CTIF: variants seen among roughly 807,000 people sequenced by gnomAD.
CTIF encodes the protein CBP80/20-dependent translation initiation factor.
Under a neutral mutation model 66.0 loss-of-function variants are expected in CTIF, and 21 were observed. The observed-to-expected ratio is 0.32, with a 90% CI of 0.23 to 0.46. The LOEUF is 0.46. Ranked by LOEUF, CTIF falls within the 20% of genes least tolerant of loss-of-function variation. The pLI is 1.00. For synonymous variants in CTIF, 345 were observed against 326.4 expected (o/e 1.06, Z -0.62); for missense variants, 739 against 812.7 (o/e 0.91, Z 1.10).
chr18:48,619,485 C>T (rs757136099), intron 1 of CTIF, 53 bp from the exon 2 acceptor site: 78 of 1,193,558 alleles, frequency 6.5e-5, no homozygotes, highest in African/African-American at 2.8e-4. Context: ...GTGTGGGCAT[C>T]GTCGTCTCCT....
intron 10 of CTIF, among the ~76,000 whole-genome samples, chr18:48,822,676 C>G (rs1599111339): frequency 6.6e-6 from 1 of 152,142 alleles, no homozygotes; most frequent in East Asian, 1.9e-4. Flanking sequence ...GATAAATACT[C>G]AGAAGCGGGA....
intron 3 of CTIF, among the ~76,000 whole-genome samples, chr18:48,661,098 T>C (rs980083280): frequency 1.3e-5 from 2 of 152,208 alleles, no homozygotes; most frequent in African/African-American, 4.8e-5. Flanking sequence ...CCCTCCTGTG[T>C]GCCTGGCTTG....
intron 2 of CTIF, among the ~76,000 whole-genome samples, chr18:48,620,221 C>A (rs1347431699): frequency 2.0e-5 from 3 of 152,222 alleles, no homozygotes; most frequent in Non-Finnish European, 4.4e-5. Context: ...GTGGGATTCT[C>A]ACCCAGGGCT....
intron 3 of CTIF, among the ~76,000 whole-genome samples, chr18:48,651,694 A>T (rs2091158692): frequency 6.6e-6 from 1 of 152,314 alleles, no homozygotes; most frequent in African/African-American, 2.4e-5. Flanking sequence ...CACTTATTCC[A>T]AAATTGACCA....
intron 3 of CTIF, among the ~76,000 whole-genome samples, chr18:48,640,216 C>T (rs1198059346): frequency 6.6e-6 from 1 of 152,244 alleles, no homozygotes; most frequent in Admixed American, 6.5e-5. Flanking sequence ...CCGGCTGGCT[C>T]CTTGCTGCAC....
Position 48,730,329 on chromosome 18 carries a change from GCCCC to G in CTIF, c.584+18635_584+18638del, listed in dbSNP as rs2092431585. The stretch of plus-strand genomic sequence containing the variant: ...GTGAGGGGCTTCTGCGGTGTGAGGG[GCCCC>G]TGCGGTGTGAGGGGCTCCTGCTGTG... On this transcript the variant is annotated intron_variant, in intron 7 of 11. Transcript: ENST00000256413. 2.9e-5 allele frequency among the ~76,000 whole-genome samples: 3 copies of G among 104,108 alleles called. No individual in the cohort carries two copies. In the East Asian group the frequency reaches 2.7e-3, roughly 93 times the overall value. The allele number at this position is 104,108 out of a possible 152,430, so 68.3% of individuals were successfully genotyped here.
intron 10 of CTIF, among the ~76,000 whole-genome samples, chr18:48,821,149 T>A (rs550784105): frequency 6.6e-6 from 1 of 152,338 alleles, no homozygotes; most frequent in African/African-American, 2.4e-5. Flanking sequence ...AGTCACCTTT[T>A]CTGTGTGGCA....
chr18:48,562,625 G>A (rs1254885606), intron 1 of CTIF, among the ~76,000 whole-genome samples: 1 of 152,176 alleles, frequency 6.6e-6, no homozygotes, highest in East Asian at 1.9e-4. Context: ...AGTTTGTTTT[G>A]GTTGCTACAA....
intron 7 of CTIF, among the ~76,000 whole-genome samples, chr18:48,724,430 G>C (rs957834483): frequency 6.6e-6 from 1 of 152,072 alleles, no homozygotes; most frequent in African/African-American, 2.4e-5. Flanking sequence ...TCTTCTCGCT[G>C]TTCTTTGAAC....
chr18:48,629,100 T>C (rs1364894546), intron 2 of CTIF, among the ~76,000 whole-genome samples: 1 of 152,142 alleles, frequency 6.6e-6, no homozygotes, highest in Non-Finnish European at 1.5e-5. Context: ...TTCAGGGAAA[T>C]GAAGGCATTG....
chr18:48,583,010 C>T (rs1339332541), intron 1 of CTIF, among the ~76,000 whole-genome samples: 1 of 152,186 alleles, frequency 6.6e-6, no homozygotes, highest in Non-Finnish European at 1.5e-5. Context: ...CTCTGGTATG[C>T]CCAGGGTGTG....
intron 1 of CTIF, among the ~76,000 whole-genome samples, chr18:48,590,444 G>A (rs2143960531): frequency 6.6e-6 from 1 of 152,350 alleles, no homozygotes; most frequent in South Asian, 2.1e-4. Flanking sequence ...CCTCAGAATT[G>A]GAAGGATCAG....
chr18:48,582,200 G>C (rs1363380043), intron 1 of CTIF, among the ~76,000 whole-genome samples: 1 of 152,086 alleles, frequency 6.6e-6, no homozygotes, highest in Admixed American at 6.5e-5. Context: ...ACAGCTGCCA[G>C]TGTCAGAGGA....
chr18:48,765,813 C>T (rs927074858), intron 9 of CTIF, among the ~76,000 whole-genome samples: 1 of 152,166 alleles, frequency 6.6e-6, no homozygotes, highest in African/African-American at 2.4e-5. Flanking sequence ...AAATGGTCTT[C>T]AGTTTTTACA....
intron 10 of CTIF, among the ~76,000 whole-genome samples, chr18:48,820,788 C>T (rs1192565371): frequency 6.6e-6 from 1 of 152,246 alleles, no homozygotes; most frequent in African/African-American, 2.4e-5. Context: ...CCCAAACCCA[C>T]AGGCCATCTC....
chr18:48,713,489 C>T (rs928711193), intron 7 of CTIF, among the ~76,000 whole-genome samples: 5 of 152,178 alleles, frequency 3.3e-5, no homozygotes, highest in Admixed American at 1.3e-4. Context: ...AAGAGGAGCG[C>T]GGCATGCAAC....
At chr18:48,835,527 G>A (rs1314366901) in intron 10 of CTIF, among the ~76,000 whole-genome samples, 1 of 152,182 alleles carries the variant, frequency 6.6e-6, no homozygotes, top group Non-Finnish European at 1.5e-5. Context: ...TGGGAGAGGT[G>A]CAGATTTTTC....
At chr18:48,735,865 A>G (rs2092497265) in intron 7 of CTIF, among the ~76,000 whole-genome samples, 1 of 152,142 alleles carries the variant, frequency 6.6e-6, no homozygotes, top group Non-Finnish European at 1.5e-5. Flanking sequence ...TGGGACAGAG[A>G]TACTAAACAC....
chr18:48,622,279 G>T (rs1212326065), intron 2 of CTIF, among the ~76,000 whole-genome samples: 1 of 152,152 alleles, frequency 6.6e-6, no homozygotes, highest in Admixed American at 6.5e-5. Context: ...TAGAAAGATG[G>T]TGGGGGTGTG....
Sources: allele counts gnomAD v4.1 joint callset (sites outside exome capture counted in the v4.1 genomes callset), GRCh38; gene constraint gnomAD v4.1.1; transcripts MANE v1.5; gene names NCBI Gene and HGNC (gene_info 2026-07-23, HGNC 2026-07-21).